Variants in ITGA10 observed in about 807,000 individuals in gnomAD.
The protein encoded by ITGA10 is integrin alpha-10.
Under a neutral mutation model 145.2 loss-of-function variants are expected in ITGA10, and 105 were observed. The observed-to-expected ratio is 0.72, with a 90% confidence interval of 0.62 to 0.85. ITGA10 has a LOEUF of 0.85. Ranked by LOEUF, ITGA10 falls within the 40% of genes least tolerant of loss-of-function variation. ITGA10 has a pLI of 0.00. For missense variants in ITGA10, 1,317 were observed against 1,444.5 expected (o/e 0.91, Z 1.43); for synonymous variants, 506 against 557.8 (o/e 0.91, Z 1.31).
chr1:145,909,880 A>G, intron 1 of ITGA10, 83 bp downstream of exon 1: 2 of 1,226,046 alleles, frequency 1.6e-6, no homozygotes, highest in Non-Finnish European at 2.4e-6. Context: ...AATCCCAAAG[A>G]ATTTTAACTA....
chr1:145,900,142 G>A lies in ITGA10; in HGVS notation c.1837C>T (p.Arg613Ter), dbSNP rs782315231. The change falls in exon 15 of 30, where the codon CGA becomes TGA. Residue 613 changes from arginine to a stop codon, truncating the protein, a stop_gained. Coordinates refer to ENST00000369304, the MANE Select transcript of ITGA10 (RefSeq NM_003637.5). LOFTEE classifies it high-confidence loss of function. ...SMPHALSYFG[R>*]SVDGRLDLDG... ...AGATCTAGCCGACCATCCACACTTC[G>A]GCCAAAGTAGCTGAGGGCATGTGGC... The A allele has an allele frequency of 1.9e-5, 30 of 1,613,844 alleles. No individual in the cohort carries two copies. Among genetic ancestry groups the A allele is most frequent in the Middle Eastern group, 1.6e-4 (1 of 6,084 alleles).
In ITGA10 at chr1:145,906,376, A is replaced by C. The variant is rs1657140963; in HGVS notation, c.481+18T>G. 6.3e-7 allele frequency: 1 copy of C among 1,594,274 alleles called. No homozygotes were observed. Among genetic ancestry groups the C allele is most frequent in the Non-Finnish European group, 8.6e-7 (1 of 1,162,526 alleles). On this transcript the variant is annotated intron_variant, in intron 5 of 29. Transcript: ENST00000369304. The stretch of plus-strand genomic sequence containing the variant: ...ATCTCCTTCTGGGAACCAAGTACTC[A>C]GCCTTCCTCTGGCTCACGTTGGGCA...
Position 145,906,484 on chromosome 1 carries a change from C to T in ITGA10, c.391G>A (p.Ala131Thr), listed in dbSNP as rs782508179. ...FMACAPLWSR[A>T]CGSSVFSSGI... Reference sequence around the variant, plus strand: ...GAACTGAAGACAGAGCTGCCACAAGCACGAGACCAGAGAGGGGCACAGGCC... The same window carrying T: ...GAACTGAAGACAGAGCTGCCACAAGTACGAGACCAGAGAGGGGCACAGGCC... The change falls in exon 5 of 30, where the codon GCT (alanine) becomes ACT (threonine). Residue 131 changes from alanine (A) to threonine (T), a missense_variant. Transcript: ENST00000369304. The T allele has an allele frequency of 3.7e-6, 6 of 1,614,116 alleles. No individual in the cohort carries two copies. Among genetic ancestry groups the T allele is most frequent in the African/African-American group, 1.3e-5 (1 of 75,020 alleles).
rs1656243275 is a variant in ITGA10, at chr1:145,901,053, C to G, written c.1588-60G>C. ...GGCAGACCCAACCTCTCAGCAAACC[C>G]TCAAATATGTGCACCTTCCCTCCTT... is the stretch of plus-strand genomic sequence containing the variant. On this transcript the variant is annotated intron_variant, in intron 13 of 29. Coordinates refer to ENST00000369304, the MANE Select transcript of ITGA10 (RefSeq NM_003637.5). This position sits in a 1 kb window ranked among gnomAD's most constrained non-coding sequence, Gnocchi z 4.3. 6.2e-7 allele frequency: 1 copy of G among 1,612,978 alleles called. No homozygotes were observed. Among genetic ancestry groups the G allele is most frequent in the East Asian group, 2.2e-5 (1 of 44,880 alleles).
Position 145,902,588 on chromosome 1 carries a change from T to A in ITGA10, c.941A>T (p.Asp314Val). The A allele has an allele frequency of 6.2e-7, 1 of 1,611,040 alleles. No homozygotes were observed. Residue 314 changes from aspartate (D) to valine (V), a missense_variant, in exon 9 of 30, where the codon GAT becomes GTT. Asp to Val is a radical substitution (Grantham distance 152). Coordinates refer to ENST00000369304, the MANE Select transcript of ITGA10 (RefSeq NM_003637.5). ...VLGHYLRRQRDPSSFLREIRT... is the reference protein window; with the variant it reads ...VLGHYLRRQRVPSSFLREIRT... Reference sequence around the variant, plus strand: ...AATTTCTCTCAGGAAAGAGCTGGGATCTCGCTGCCGCCGGAGGTAGTGACC... The same window carrying A: ...AATTTCTCTCAGGAAAGAGCTGGGAACTCGCTGCCGCCGGAGGTAGTGACC...
rs370546713 is a variant in ITGA10, at chr1:145,897,129, T to C, written c.2668-42A>G. The C allele has an allele frequency of 5.9e-5, 93 of 1,574,954 alleles. No individual in the cohort carries two copies. The Admixed American group carries it at 9.8e-4, about 17-fold the overall frequency. ...CAGGGTAATGGTAGAGTCTTCCTCA[T>C]GGAACAACTACAGAGGAACAGGAGC... On this transcript the variant is annotated intron_variant, in intron 21 of 29. Transcript: ENST00000369304.
chr1:145,897,567 G>A lies in ITGA10; in HGVS notation c.2519C>T (p.Thr840Met), dbSNP rs1298869122. 6.8e-6 allele frequency: 11 copies of A among 1,613,986 alleles called. No individual in the cohort carries two copies. The highest frequency in any genetic ancestry group is 6.7e-5 in the East Asian group (3 of 44,894). Residue 840 changes from threonine to methionine, a missense_variant, in exon 20 of 30, where the codon ACG becomes ATG. Thr to Met is a moderately conservative substitution (Grantham distance 81, BLOSUM62 -1). Coordinates refer to ENST00000369304, the MANE Select transcript of ITGA10 (RefSeq NM_003637.5). ...TCTAGAGAAGATGAGACTCAGGCTCGTATTGTAAGCATTTTCCTTTCTGTT... is the reference window on the plus strand; with the variant it reads ...TCTAGAGAAGATGAGACTCAGGCTCATATTGTAAGCATTTTCCTTTCTGTT... ...LENRKENAYN[T>M]SLSLIFSRNL...
chr1:145,896,994 G>C lies in ITGA10; in HGVS notation c.2744+17C>G, dbSNP rs781804648. 2.7e-5 allele frequency: 44 copies of C among 1,610,174 alleles called. No homozygotes were observed. Among genetic ancestry groups the C allele is most frequent in the Non-Finnish European group, 3.7e-5 (43 of 1,176,416 alleles). The stretch of plus-strand genomic sequence containing the variant: ...AGTAGGAGGAGAGGTCTGGAAGAAA[G>C]TTCCCTTCATTCTCACCTGCTGGCA... On this transcript the variant is annotated intron_variant, in intron 22 of 29. Coordinates refer to ENST00000369304, the MANE Select transcript of ITGA10 (RefSeq NM_003637.5).
rs12402234 is a variant in ITGA10, at chr1:145,891,531, A to G, written c.*1267T>C. 17,391 of 152,322 alleles carry G rather than the reference A, an allele frequency of 0.11. 1,211 individuals carry two copies. Among genetic ancestry groups the G allele is most frequent in the Middle Eastern group, 0.17 (49 of 294 alleles). The allele number at this position is 152,322 out of a possible 1,614,324, so 9.4% of individuals were successfully genotyped here. ...AGAAATATAAGTTACCCAGTTGTCT[A>G]TGAGAATCCAACTGCCTTTACTGTC... On this transcript the variant is annotated 3_prime_UTR_variant, in exon 30 of 30. Transcript: ENST00000369304.
chr1:145,901,384 C>G lies in ITGA10; in HGVS notation c.1444-106G>C, dbSNP rs1274005727. On this transcript the variant is annotated intron_variant, in intron 12 of 29. Coordinates refer to ENST00000369304, the MANE Select transcript of ITGA10 (RefSeq NM_003637.5). The surrounding 1 kb of genome is among the most constrained non-coding windows in gnomAD (Gnocchi z 4.3). ...CAGCCTGCTAGTCTGCTCCTTACAT[C>G]CCTGACAGACTCTGCCAACCAGAAT... The G allele has an allele frequency of 2.0e-6, 3 of 1,498,516 alleles. 1 individual carries two copies. In the African/African-American group the frequency reaches 4.2e-5, roughly 21 times the overall value. The allele number at this position is 1,498,516 out of a possible 1,614,324, so 92.8% of individuals were successfully genotyped here. A position where few individuals can be genotyped will look rare whatever the true frequency, so the allele number is the denominator to read the frequency against.
intron 4 of ITGA10, 57 bp downstream of exon 4, chr1:145,906,676 C>A (rs1236904355): frequency 6.9e-7 from 1 of 1,447,812 alleles, no homozygotes; most frequent in Non-Finnish European, 9.7e-7. Context: ...TACCACACTT[C>A]TCTTTTTTCT....
At position 145,898,360 on chromosome 1, in the gene ITGA10, AATTT is replaced by A. The variant is rs200181237; in HGVS notation, c.2233-141_2233-138del. ...TATTACTAAATTTAATTAATTAGTT[AATTT>A]ATTTATTTATTTATTTATTTTTGAG... is the stretch of plus-strand genomic sequence containing the variant. On this transcript the variant is annotated intron_variant, in intron 17 of 29. Transcript: ENST00000369304. 1,069 of 354,540 alleles carry A rather than the reference AATTT, an allele frequency of 3.0e-3. 8 individuals are homozygous for A. The highest frequency in any genetic ancestry group is 0.018 in the South Asian group (174 of 9,866). 22.0% of individuals were successfully genotyped at this position (354,540 alleles called of 1,614,324 possible). A position where few individuals can be genotyped will look rare whatever the true frequency, so the allele number is the denominator to read the frequency against.
In ITGA10 at chr1:145,901,575, C is replaced by T. The variant is rs782627918; in HGVS notation, c.1384G>A (p.Ala462Thr). 3.7e-5 allele frequency: 59 copies of T among 1,607,366 alleles called. No homozygotes were observed. The highest frequency in any genetic ancestry group is 1.7e-4 in the Middle Eastern group (1 of 6,026). ...GCCCCATCTTTCTTAAGCTGGAAGG[C>T]GATGACTTTTCCTCGATGTCTAAAT... ...PRFRHRGKVI[A>T]FQLKKDGAVR... is the part of the protein sequence containing the mutation. The change falls in exon 12 of 30, where the codon GCC becomes ACC. Residue 462 changes from alanine (A) to threonine (T), a missense_variant. By Grantham distance (58) the Ala-to-Thr change is moderately conservative. Transcript: ENST00000369304. The surrounding 1 kb of genome is among the most constrained non-coding windows in gnomAD (Gnocchi z 4.3).
At position 145,908,161 on chromosome 1, in the gene ITGA10, C is replaced by T. The variant is rs143213125; in HGVS notation, c.53-696G>A. Among the ~76,000 whole-genome samples the T allele has an allele frequency of 8.6e-4, 131 of 152,176 alleles. 2 individuals are homozygous for T. The East Asian group carries it at 0.021, about 24-fold the overall frequency. On this transcript the variant is annotated intron_variant, in intron 1 of 29. Transcript: ENST00000369304. ...GGGCCTTTCTGTATCCCCAGAACAA[C>T]CATTGCTTCCAATTCTCCCCAAAAT...
At chr1:145,897,419 C>T (rs1350904971) in intron 20 of ITGA10, 80 bp from the exon 21 acceptor site, 4 of 1,597,148 alleles carry the variant, frequency 2.5e-6, no homozygotes, top group South Asian at 1.1e-5. Flanking sequence ...AACACTGAGC[C>T]TTTCTCTAGA....
rs1461615229 is a variant in ITGA10, at chr1:145,901,853, C to G, written c.1294+24G>C. On this transcript the variant is annotated intron_variant, in intron 11 of 29. Coordinates refer to ENST00000369304, the MANE Select transcript of ITGA10 (RefSeq NM_003637.5). This position sits in a 1 kb window ranked among gnomAD's most constrained non-coding sequence, Gnocchi z 4.3. ...GTATTTCCTCCCCTACCCTGTAAGT[C>G]CTCTGCAACTCTCTGCTGCTCACCC... 6.2e-7 allele frequency: 1 copy of G among 1,613,700 alleles called. No individual in the cohort carries two copies. The highest frequency in any genetic ancestry group is 8.5e-7 in the Non-Finnish European group (1 of 1,179,878).
chr1:145,906,503 A>C lies in ITGA10; in HGVS notation c.372T>G (p.Cys124Trp). 1 of 1,613,836 alleles carries C rather than the reference A, an allele frequency of 6.2e-7. No homozygotes were observed. The change falls in exon 5 of 30, where the codon TGT (cysteine) becomes TGG (tryptophan). Residue 124 changes from cysteine (C) to tryptophan (W), a missense_variant. Physicochemically the swap from Cys to Trp is radical, Grantham distance 215 (BLOSUM62 -2). Transcript: ENST00000369304. ...ETDGDGGFMA[C>W]APLWSRACGS... Reference sequence around the variant, plus strand: ...CACAAGCACGAGACCAGAGAGGGGCACAGGCCTGGGGATGGGGGAAATAGT... The same window carrying C: ...CACAAGCACGAGACCAGAGAGGGGCCCAGGCCTGGGGATGGGGGAAATAGT...
intron 24 of ITGA10, 73 bp downstream of exon 24, chr1:145,896,195 C>T: frequency 6.8e-7 from 1 of 1,479,244 alleles, no homozygotes; most frequent in Non-Finnish European, 9.5e-7. Flanking sequence ...AAGAGAGACC[C>T]TTCCCATCCT....
At position 145,901,179 on chromosome 1, in the gene ITGA10, G is replaced by A; in HGVS notation, c.1543C>T (p.Gln515Ter). Residue 515 changes from glutamine (Q) to a stop codon, truncating the protein, a stop_gained, in exon 13 of 30, where the codon CAG becomes TAG. Transcript: ENST00000369304. LOFTEE classifies it high-confidence loss of function. The surrounding 1 kb of genome is among the most constrained non-coding windows in gnomAD (Gnocchi z 4.3). ...TAAACACGTCCTGTTTCCTTGTTCT[G>A]GGGTCCCAGGAACATGGGGGCAGCC... ...LVAAPMFLGP[Q>*]NKETGRVYVY... The A allele has an allele frequency of 6.2e-7, 1 of 1,614,014 alleles. No homozygotes were observed. The highest frequency in any genetic ancestry group is 8.5e-7 in the Non-Finnish European group (1 of 1,180,004).
Sources: allele counts gnomAD v4.1 joint callset (sites outside exome capture counted in the v4.1 genomes callset), GRCh38; gene constraint gnomAD v4.1.1; non-coding constraint Gnocchi (gnomAD v3.1); transcripts MANE v1.5; gene names NCBI Gene and HGNC (gene_info 2026-07-23, HGNC 2026-07-21).